Variants in GLB1L2 observed in about 807,000 individuals in gnomAD.
GLB1L2 encodes beta-galactosidase-1-like protein 2.
Under a neutral mutation model 84.1 loss-of-function variants are expected in GLB1L2, and 68 were observed. The ratio of observed to expected loss-of-function variants is 0.81; its 90% CI spans 0.67 to 0.99. The LOEUF is 0.99. Ranked by LOEUF, GLB1L2 falls within the 50% of genes least tolerant of loss-of-function variation. The pLI is 0.00. For synonymous variants in GLB1L2, 290 were observed against 318.0 expected, an observed-to-expected ratio of 0.91 and a Z score of 0.94; for missense variants, 762 against 805.6, an observed-to-expected ratio of 0.95 and a Z score of 0.66.
chr11:134,332,558 A>G (rs1006198279), intron 1 of GLB1L2, among the ~76,000 whole-genome samples: 2 of 151,794 alleles, frequency 1.3e-5, no homozygotes, highest in African/African-American at 4.8e-5. Flanking sequence ...TTTCCTCCCA[A>G]GCCTCTGGGA....
intron 8 of GLB1L2, among the ~76,000 whole-genome samples, chr11:134,365,816 A>C (rs4937878): frequency 0.032 from 4,844 of 152,116 alleles, 270 homozygotes; most frequent in African/African-American, 0.11. Flanking sequence ...AATGCACAGC[A>C]CAGGCCTCCA....
chr11:134,370,303 C>T lies in GLB1L2; in HGVS notation c.1119C>T (p.Leu373=), dbSNP rs899745702. The T allele has an allele frequency of 2.5e-6, 4 of 1,613,766 alleles. No homozygotes were observed. The highest frequency in any genetic ancestry group is 3.4e-6 in the Non-Finnish European group (4 of 1,179,810). ...DFFGSISGIP[L]PPPPDLLPKM... ...TTTTCTGTGTTGCAGGCATCCCTCT[C>T]CCTCCCCCACCTGACCTTCTTCCCA... Residue 373 remains leucine, a synonymous_variant, in exon 12 of 19, where the codon CTC becomes CTT. Coordinates refer to ENST00000535456, the MANE Select transcript of GLB1L2 (RefSeq NM_001370461.1). This position sits in a 1 kb window ranked among gnomAD's most constrained non-coding sequence, Gnocchi z 4.7.
At position 134,354,977 on chromosome 11, in the gene GLB1L2, A is replaced by G. The variant is rs556602981; in HGVS notation, c.559-1324A>G. Among the ~76,000 whole-genome samples, 15 of 152,214 alleles carry G rather than the reference A, an allele frequency of 9.9e-5. No homozygotes were observed. The South Asian group carries it at 3.1e-3, about 32-fold the overall frequency. On this transcript the variant is annotated intron_variant, in intron 5 of 18. Transcript: ENST00000535456. ...CTTCTAAGAAACCCATAATTCATAT[A>G]TTATTCTGCTTGAAGATGTTGTGTA...
intron 1 of GLB1L2, among the ~76,000 whole-genome samples, chr11:134,337,362 C>T (rs1375385384): frequency 6.6e-6 from 1 of 152,234 alleles, no homozygotes; most frequent in East Asian, 1.9e-4. Context: ...TGGGCCCAGA[C>T]CAAGGAGCAC....
At position 134,344,446 on chromosome 11, in the gene GLB1L2, T is replaced by A; in HGVS notation, c.344T>A (p.Leu115Gln). The change falls in exon 3 of 19, where the codon CTG becomes CAG. Residue 115 changes from leucine to glutamine, a missense_variant. Leu to Gln is a moderately radical substitution (Grantham distance 113). Transcript: ENST00000535456. ...ERGKFDFSGN[L>Q]DLEAFVLMAA... ...GGCAAATTTGACTTCTCTGGGAACC[T>A]GGACCTGGAGTATGTGGTGTTGCTG... 6.2e-7 allele frequency: 1 copy of A among 1,612,778 alleles called. No individual in the cohort carries two copies. Among genetic ancestry groups the A allele is most frequent in the South Asian group, 1.1e-5 (1 of 91,002 alleles).
chr11:134,342,603 C>T, intron 1 of GLB1L2, 151 bp from the exon 2 acceptor site: 1 of 739,654 alleles, frequency 1.4e-6, no homozygotes, highest in South Asian at 1.9e-5. Context: ...GACCCCTTCC[C>T]AGGTCTGGCT....
chr11:134,338,952 G>A lies in GLB1L2; in HGVS notation c.87-3802G>A, dbSNP rs948572952. Among the ~76,000 whole-genome samples, 2 of 152,192 alleles carry A rather than the reference G, an allele frequency of 1.3e-5. No homozygotes were observed. The highest frequency in any genetic ancestry group is 2.9e-5 in the Non-Finnish European group (2 of 68,030). On this transcript the variant is annotated intron_variant, in intron 1 of 18. Transcript: ENST00000535456. The surrounding 1 kb of genome is among the most constrained non-coding windows in gnomAD (Gnocchi z 6.2). Reference sequence around the variant, plus strand: ...CTGGGCACTGAGCACTGAGTTCAGGGTTTGCTGTCCGGACTCTTCTAAGGT... The same window carrying A: ...CTGGGCACTGAGCACTGAGTTCAGGATTTGCTGTCCGGACTCTTCTAAGGT...
chr11:134,352,404 A>T (rs1201375393), intron 5 of GLB1L2, among the ~76,000 whole-genome samples: 1 of 151,958 alleles, frequency 6.6e-6, no homozygotes, highest in Admixed American at 6.6e-5. Flanking sequence ...TGGTTTCATT[A>T]ATTTTTCTTT....
At chr11:134,368,306 C>T (rs115528646) in intron 9 of GLB1L2, among the ~76,000 whole-genome samples, 1,998 of 152,248 alleles carry the variant, frequency 0.013, 47 homozygotes, top group African/African-American at 0.045. Context: ...TCTTTGTGCA[C>T]TTGATACACC....
At chr11:134,344,741 G>T (rs1412486515) in intron 3 of GLB1L2, among the ~76,000 whole-genome samples, 2 of 152,236 alleles carry the variant, frequency 1.3e-5, no homozygotes, top group African/African-American at 4.8e-5. Flanking sequence ...GCTGGGCTGG[G>T]GCAGGGCGGC....
chr11:134,333,005 T>C (rs553528321), intron 1 of GLB1L2, among the ~76,000 whole-genome samples: 1 of 152,330 alleles, frequency 6.6e-6, no homozygotes, highest in East Asian at 1.9e-4. Flanking sequence ...TGGCAGGCCC[T>C]ACGCCGCTCG....
chr11:134,355,823 T>C (rs371611571), intron 5 of GLB1L2, among the ~76,000 whole-genome samples: 2 of 152,228 alleles, frequency 1.3e-5, no homozygotes, highest in East Asian at 3.8e-4. Flanking sequence ...AACCAGTACG[T>C]TGGGCAGAAC....
rs1028320595 is a variant in GLB1L2 at position 134,334,831 on chromosome 11, C to T, written c.86+2684C>T. Among the ~76,000 whole-genome samples the T allele has an allele frequency of 5.9e-5, 9 of 152,146 alleles. No individual in the cohort carries two copies. The highest frequency in any genetic ancestry group is 1.4e-4 in the African/African-American group (6 of 41,416). ...GAGGTCTGCGATGCACGTATCAGTG[C>T]GAACCGTGCCTTTGAGCCAGTTGCC... is the stretch of plus-strand genomic sequence containing the variant. On this transcript the variant is annotated intron_variant, in intron 1 of 18. Coordinates refer to ENST00000535456, the MANE Select transcript of GLB1L2 (RefSeq NM_001370461.1). This position sits in a 1 kb window ranked among gnomAD's most constrained non-coding sequence, Gnocchi z 4.1.
chr11:134,362,723 C>T (rs1943812894), intron 7 of GLB1L2, among the ~76,000 whole-genome samples: 4 of 152,258 alleles, frequency 2.6e-5, no homozygotes. Flanking sequence ...ACTCCCGCAG[C>T]AGCTCGGGCC....
rs1200692401 is a variant in GLB1L2 at position 134,371,745 on chromosome 11, C to T, written c.1429-7C>T. The T allele has an allele frequency of 6.2e-7, 1 of 1,613,828 alleles. No homozygotes were observed. Among genetic ancestry groups the T allele is most frequent in the Admixed American group, 1.7e-5 (1 of 60,000 alleles). The stretch of plus-strand genomic sequence containing the variant: ...GACAGTCATCGTTAGCCCCGTGTTC[C>T]CGGCAGGGTTACACCGTGCTGAGGA... On this transcript the variant is annotated splice_region_variant and splice_polypyrimidine_tract_variant and intron_variant, in intron 14 of 18. Coordinates refer to ENST00000535456, the MANE Select transcript of GLB1L2 (RefSeq NM_001370461.1).
intron 4 of GLB1L2, 67 bp downstream of exon 4, chr11:134,345,196 TTC>T: frequency 2.1e-5 from 31 of 1,468,656 alleles, no homozygotes; most frequent in South Asian, 2.7e-5. Context: ...TCTGGTTTGT[TTC>T]TGTGTTCCAG....
At chr11:134,359,172 TGGC>T in intron 7 of GLB1L2, 31 bp downstream of exon 7, 1 of 1,514,284 alleles carries the variant, frequency 6.6e-7, no homozygotes, top group Non-Finnish European at 9.0e-7. Flanking sequence ...CCGTGGGGGC[TGGC>T]GGCGGCCCTG....
intron 4 of GLB1L2, among the ~76,000 whole-genome samples, chr11:134,345,959 C>T (rs1467005365): frequency 6.6e-6 from 1 of 152,156 alleles, no homozygotes; most frequent in Non-Finnish European, 1.5e-5. Flanking sequence ...GGACAGGAAT[C>T]AGCTGGGACT....
At chr11:134,337,182 G>A (rs1943399674) in intron 1 of GLB1L2, among the ~76,000 whole-genome samples, 1 of 152,220 alleles carries the variant, frequency 6.6e-6, no homozygotes, top group Admixed American at 6.5e-5. Context: ...TGCCTTACCT[G>A]GGAGCCTTTT....
Sources: gnomAD v4.1 joint callset for allele counts (sites outside exome capture counted in the v4.1 genomes callset) on GRCh38, gnomAD v4.1.1 for gene constraint, Gnocchi (gnomAD v3.1) non-coding constraint, MANE v1.5 for transcripts, NCBI Gene and HGNC (gene_info 2026-07-23, HGNC 2026-07-21) for gene names.